The following CADM2 variants were observed in gnomAD, a reference collection of about 807,000 sequenced individuals.
CADM2 encodes the protein immunoglobulin superfamily member 4D.
CADM2 carries 12 observed loss-of-function variants against 49.8 expected under a neutral mutation model. That is an observed-to-expected ratio of 0.24 (90% confidence interval 0.15 to 0.39). CADM2 has a LOEUF of 0.39. Ranked by LOEUF, CADM2 falls within the 10% of genes least tolerant of loss-of-function variation. CADM2 has a pLI of 1.00. For synonymous variants in CADM2, 214 were observed against 175.4 expected (o/e 1.22, Z -1.74); for missense variants, 378 against 492.3 (o/e 0.77, Z 2.20).
intron 3 of CADM2, 21 bp downstream of exon 3, chr3:85,802,217 A>C: frequency 1.9e-6 from 3 of 1,594,106 alleles, no homozygotes; most frequent in Non-Finnish European, 2.6e-6. Flanking sequence ...TTTCTTTCAA[A>C]TGTTTTAATC....
chr3:85,989,983 G>GCCT (rs1323129068), intron 8 of CADM2, among the ~76,000 whole-genome samples: 1 of 102,880 alleles, frequency 9.7e-6, no homozygotes, highest in Non-Finnish European at 1.8e-5. Context: ...CTGCCCTCCA[G>GCCT]CCTGGGCGAC....
At chr3:85,566,375 T>C (rs2062255152) in intron 1 of CADM2, among the ~76,000 whole-genome samples, 1 of 152,152 alleles carries the variant, frequency 6.6e-6, no homozygotes, top group Non-Finnish European at 1.5e-5. Context: ...AATTTTATTA[T>C]AAAATTCTTT....
At chr3:85,898,821 A>G (rs1715637142) in intron 5 of CADM2, among the ~76,000 whole-genome samples, 1 of 150,440 alleles carries the variant, frequency 6.6e-6, no homozygotes, top group Non-Finnish European at 1.5e-5. Context: ...TTTCTTAGGC[A>G]AATGCCTAGA....
intron 1 of CADM2, among the ~76,000 whole-genome samples, chr3:85,048,570 C>G (rs528874873): frequency 6.6e-6 from 1 of 152,180 alleles, no homozygotes; most frequent in African/African-American, 2.4e-5. Context: ...CCTAGGTACC[C>G]TTAGGACTTA....
chr3:85,242,958 T>C (rs2042564241), intron 1 of CADM2, among the ~76,000 whole-genome samples: 1 of 151,722 alleles, frequency 6.6e-6, no homozygotes, highest in African/African-American at 2.4e-5. Context: ...ATATTTTAAA[T>C]GGATAAAAAT....
intron 1 of CADM2, among the ~76,000 whole-genome samples, chr3:85,455,905 A>G (rs1018941765): frequency 5.3e-5 from 8 of 152,188 alleles, no homozygotes; most frequent in African/African-American, 1.9e-4. Context: ...CTGCTTCATG[A>G]TGACAAAGAG....
chr3:85,866,040 A>G lies in CADM2; in HGVS notation c.239-17251A>G, dbSNP rs1356289702. On this transcript the variant is annotated intron_variant, in intron 3 of 9. Coordinates refer to ENST00000383699, the MANE Select transcript of CADM2 (RefSeq NM_001167675.2). ...AAGAGAAACCCCACTTGGGAGGCTGAGGCAGGAGAAACACTTGAACCCAGG... is the reference window on the plus strand; with the variant it reads ...AAGAGAAACCCCACTTGGGAGGCTGGGGCAGGAGAAACACTTGAACCCAGG... 6.6e-5 allele frequency among the ~76,000 whole-genome samples: 10 copies of G among 152,262 alleles called. 1 individual carries two copies. In the East Asian group the frequency reaches 1.9e-3, roughly 29 times the overall value.
intron 8 of CADM2, among the ~76,000 whole-genome samples, chr3:85,978,351 T>G (rs574352679): frequency 6.6e-6 from 1 of 151,784 alleles, no homozygotes; most frequent in East Asian, 1.9e-4. Flanking sequence ...TACACTTAAC[T>G]TTTGGCAACT....
intron 1 of CADM2, among the ~76,000 whole-genome samples, chr3:85,189,161 A>G (rs1011406088): frequency 6.6e-6 from 1 of 151,926 alleles, no homozygotes; most frequent in Non-Finnish European, 1.5e-5. Context: ...AATATTATAT[A>G]TATTCAAACT....
At chr3:85,470,585 G>A (rs1172776451) in intron 1 of CADM2, among the ~76,000 whole-genome samples, 2 of 152,056 alleles carry the variant, frequency 1.3e-5, no homozygotes, top group South Asian at 2.1e-4. Context: ...GAGTGACTAC[G>A]TGATTTTTTG....
rs2041908042 is a variant in CADM2 at position 85,215,644 on chromosome 3, A to G, written c.61+255976A>G. Among the ~76,000 whole-genome samples, 3 of 152,034 alleles carry G rather than the reference A, an allele frequency of 2.0e-5. No homozygotes were observed. The South Asian group carries it at 6.2e-4, about 32-fold the overall frequency. Reference sequence around the variant, plus strand: ...CTGGATTTGAACTCAGTACAGCACCAGGAATTGCATTTCTTGAGGCTTAGA... The same window carrying G: ...CTGGATTTGAACTCAGTACAGCACCGGGAATTGCATTTCTTGAGGCTTAGA... On this transcript the variant is annotated intron_variant, in intron 1 of 9. Transcript: ENST00000383699.
intron 3 of CADM2, among the ~76,000 whole-genome samples, chr3:85,882,974 C>G (rs903092917): frequency 5.3e-5 from 8 of 152,148 alleles, no homozygotes; most frequent in African/African-American, 1.7e-4. Flanking sequence ...CACTGGTATT[C>G]TATGAAACAT....
chr3:85,035,862 T>C (rs1446213842), intron 1 of CADM2, among the ~76,000 whole-genome samples: 1 of 152,216 alleles, frequency 6.6e-6, no homozygotes, highest in African/African-American at 2.4e-5. Context: ...CTTTATGCTT[T>C]TCCTCTAAAA....
chr3:85,380,970 G>A (rs1358222462), intron 1 of CADM2, among the ~76,000 whole-genome samples: 1 of 151,960 alleles, frequency 6.6e-6, no homozygotes, highest in Non-Finnish European at 1.5e-5. Flanking sequence ...GGAAGAATAT[G>A]AGCTTCCAAC....
At chr3:85,158,568 T>G (rs558437088) in intron 1 of CADM2, among the ~76,000 whole-genome samples, 8 of 152,298 alleles carry the variant, frequency 5.3e-5, no homozygotes, top group Non-Finnish European at 1.0e-4. Flanking sequence ...GAAATCATCA[T>G]TCTCAGTAAA....
chr3:85,180,969 A>C (rs566898098), intron 1 of CADM2, among the ~76,000 whole-genome samples: 7 of 152,164 alleles, frequency 4.6e-5, no homozygotes, highest in Non-Finnish European at 8.8e-5. Context: ...AAGAAATTTT[A>C]TGGAATTGTT....
intron 1 of CADM2, among the ~76,000 whole-genome samples, chr3:85,667,538 CCTCTT>C (rs1476522815): frequency 6.6e-6 from 1 of 151,988 alleles, no homozygotes; most frequent in East Asian, 1.9e-4. Flanking sequence ...GAAGAGCACT[CCTCTT>C]TGATTGGAGA....
intron 8 of CADM2, among the ~76,000 whole-genome samples, chr3:85,986,773 C>T (rs1728162000): frequency 6.6e-6 from 1 of 151,924 alleles, no homozygotes; most frequent in South Asian, 2.1e-4. Flanking sequence ...GAACAAGCAC[C>T]ATATATGTTC....
chr3:85,593,900 A>G (rs1559931639), intron 1 of CADM2, among the ~76,000 whole-genome samples: 1 of 151,938 alleles, frequency 6.6e-6, no homozygotes, highest in African/African-American at 2.4e-5. Context: ...CAGAAACACA[A>G]TCGAGATTTA....
Sources: gnomAD v4.1 joint callset for allele counts (sites outside exome capture counted in the v4.1 genomes callset) on GRCh38, gnomAD v4.1.1 for gene constraint, MANE v1.5 for transcripts, NCBI Gene and HGNC (gene_info 2026-07-23, HGNC 2026-07-21) for gene names.